DIP2C: variants seen among roughly 807,000 people sequenced by gnomAD.
DIP2C encodes the protein disco-interacting protein 2 homolog C.
Under a neutral mutation model 192.4 loss-of-function variants are expected in DIP2C, and 33 were observed. The observed-to-expected ratio is 0.17, with a 90% CI of 0.13 to 0.23. The LOEUF (loss-of-function observed/expected upper bound fraction) is 0.23. Among genes scored for constraint, DIP2C ranks in the 10% least tolerant of loss-of-function variants. The pLI is 1.00. For synonymous variants in DIP2C, 979 were observed against 864.1 expected, an observed-to-expected ratio of 1.13 and a Z score of -2.33; for missense variants, 1,537 against 2,110.1, an observed-to-expected ratio of 0.73 and a Z score of 5.32.
intron 13 of DIP2C, among the ~76,000 whole-genome samples, chr10:389,772 G>A (rs553009782): frequency 2.2e-4 from 33 of 152,348 alleles, no homozygotes; most frequent in Admixed American, 2.6e-4. Flanking sequence ...AGACCTCCGC[G>A]CTGTGCGGAC....
chr10:371,919 C>G (rs1272580064), intron 17 of DIP2C, among the ~76,000 whole-genome samples: 2 of 152,148 alleles, frequency 1.3e-5, no homozygotes, highest in Admixed American at 6.5e-5. Flanking sequence ...ATTTAAGGTA[C>G]ACTTATTTTT....
intron 32 of DIP2C, among the ~76,000 whole-genome samples, chr10:304,808 T>C (rs964458845): frequency 1.3e-5 from 2 of 150,338 alleles, no homozygotes; most frequent in African/African-American, 4.8e-5. Context: ...CACATGCACA[T>C]GGGAGTGCAC....
chr10:617,662 C>T (rs1037686893), intron 1 of DIP2C, among the ~76,000 whole-genome samples: 1 of 150,482 alleles, frequency 6.6e-6, no homozygotes, highest in Non-Finnish European at 1.5e-5. Context: ...ACCACCCCCC[C>T]ACCCCCACCC....
intron 3 of DIP2C, among the ~76,000 whole-genome samples, chr10:458,368 C>T (rs1589840140): frequency 6.6e-6 from 1 of 152,260 alleles, no homozygotes; most frequent in African/African-American, 2.4e-5. Context: ...TAAACCTTCT[C>T]AGTCTAGAAA....
At chr10:612,138 G>A (rs982641265) in intron 1 of DIP2C, among the ~76,000 whole-genome samples, 9 of 151,932 alleles carry the variant, frequency 5.9e-5, no homozygotes, top group South Asian at 2.1e-4. Context: ...CTACTAATAC[G>A]AAAAATGAGC....
intron 1 of DIP2C, among the ~76,000 whole-genome samples, chr10:685,163 TATATATATATATATATATATATAC>T (rs1448495059): frequency 0.051 from 973 of 19,234 alleles, 27 homozygotes; most frequent in African/African-American, 0.12. Context: ...AAAAAAAAAA[TATATATATATATATATATATATAC>T]ATATATATAT....
chr10:465,633 A>C (rs1057179593), intron 3 of DIP2C, among the ~76,000 whole-genome samples: 105 of 152,196 alleles, frequency 6.9e-4, no homozygotes, highest in Non-Finnish European at 1.3e-3. Context: ...GTTTATCTAG[A>C]AAACCCCATT....
At chr10:564,109 A>G (rs1347881672) in intron 1 of DIP2C, among the ~76,000 whole-genome samples, 2 of 152,208 alleles carry the variant, frequency 1.3e-5, no homozygotes, top group African/African-American at 4.8e-5. Flanking sequence ...TGGAACAGAA[A>G]AAGACTTAGG....
At chr10:499,429 A>AG (rs1341134269) in intron 1 of DIP2C, among the ~76,000 whole-genome samples, 1 of 152,224 alleles carries the variant, frequency 6.6e-6, no homozygotes, top group Non-Finnish European at 1.5e-5. Flanking sequence ...ATTGACTCAC[A>AG]GTTACACATG....
At chr10:385,843 G>A (rs1962847516) in intron 14 of DIP2C, among the ~76,000 whole-genome samples, 1 of 152,160 alleles carries the variant, frequency 6.6e-6, no homozygotes, top group Middle Eastern at 3.2e-3. Flanking sequence ...GGCTCGATTT[G>A]GGAAGCTCCA....
intron 29 of DIP2C, among the ~76,000 whole-genome samples, chr10:339,873 C>T (rs1199817821): frequency 6.6e-6 from 1 of 152,186 alleles, no homozygotes; most frequent in African/African-American, 2.4e-5. Context: ...ATTAGTCACA[C>T]ATTAAAAATA....
intron 5 of DIP2C, among the ~76,000 whole-genome samples, chr10:420,200 A>G (rs978731808): frequency 5.3e-5 from 8 of 152,220 alleles, no homozygotes; most frequent in African/African-American, 4.8e-5. Context: ...GGCCGTCTAG[A>G]CGGCGAAATC....
intron 31 of DIP2C, among the ~76,000 whole-genome samples, chr10:315,606 AAGATTGACTCTGCCACTG>A (rs908082776): frequency 6.6e-6 from 1 of 152,206 alleles, no homozygotes; most frequent in Non-Finnish European, 1.5e-5. Flanking sequence ...CAGGGACTTT[AAGATTGACTCTGCCACTG>A]ACTTTCGGTG....
At chr10:319,951 G>A (rs980215323) in intron 31 of DIP2C, among the ~76,000 whole-genome samples, 1 of 152,150 alleles carries the variant, frequency 6.6e-6, no homozygotes, top group Non-Finnish European at 1.5e-5. Context: ...ATGGTCCAAT[G>A]CAATGACTAA....
chr10:664,949 T>A (rs576255880), intron 1 of DIP2C: 1 of 152,338 alleles, frequency 6.6e-6, no homozygotes, highest in South Asian at 2.1e-4. Context: ...TTTATAACGA[T>A]GTTTTAATTA....
intron 1 of DIP2C, among the ~76,000 whole-genome samples, chr10:657,287 CACT>C (rs1856418865): frequency 8.9e-5 from 2 of 22,366 alleles, no homozygotes; most frequent in East Asian, 1.5e-3. Flanking sequence ...CTGGACCTGC[CACT>C]GGACCTGTCC....
chr10:411,531 G>T (rs963334866), intron 8 of DIP2C, among the ~76,000 whole-genome samples: 9 of 152,168 alleles, frequency 5.9e-5, no homozygotes, highest in African/African-American at 2.2e-4. Flanking sequence ...TAAATTTGGG[G>T]GTTGAGGGGA....
chr10:512,998 C>T (rs1015703750), intron 1 of DIP2C, among the ~76,000 whole-genome samples: 1 of 148,574 alleles, frequency 6.7e-6, no homozygotes. Flanking sequence ...AGTATTTATA[C>T]ATCTCACGCA....
In DIP2C at chr10:390,284, T is replaced by C; in HGVS notation, c.1474A>G (p.Asn492Asp). The C allele has an allele frequency of 6.2e-7, 1 of 1,613,956 alleles. No individual in the cohort carries two copies. Among genetic ancestry groups the C allele is most frequent in the African/African-American group, 1.3e-5 (1 of 74,962 alleles). Residue 492 changes from asparagine to aspartate, a missense_variant, in exon 12 of 37, where the codon AAC becomes GAC. Physicochemically the swap from Asn to Asp is conservative, Grantham distance 23. Transcript: ENST00000280886. Reference protein sequence around the residue: ...DWFPHIKDANNDTAYIEYKTC... With the variant: ...DWFPHIKDANDDTAYIEYKTC... ...CTCACCTCAATATACGCAGTGTCGT[T>C]ATTGGCATCTTTAATGTGTGGGAAC...
Sources: gnomAD v4.1 joint callset for allele counts (sites outside exome capture counted in the v4.1 genomes callset) on GRCh38, gnomAD v4.1.1 for gene constraint, MANE v1.5 for transcripts, NCBI Gene and HGNC (gene_info 2026-07-23, HGNC 2026-07-21) for gene names.